The following ARSG variants were observed in gnomAD, a reference collection of about 807,000 sequenced individuals.
ARSG encodes arylsulfatase G.
A neutral mutation model predicts 50.5 loss-of-function variants in ARSG; 37 were observed. The observed-to-expected ratio is 0.73, with a 90% CI of 0.56 to 0.96. The LOEUF (loss-of-function observed/expected upper bound fraction) is 0.96, where lower values mean the gene tolerates loss of function less well. Ranked by LOEUF, ARSG falls within the 50% of genes least tolerant of loss-of-function variation. ARSG has a pLI of 0.00. For missense variants in ARSG, 629 were observed against 675.3 expected (o/e 0.93, Z 0.76); for synonymous variants, 225 against 254.6 (o/e 0.88, Z 1.11).
At chr17:68,336,347 C>A (rs2146128479) in intron 2 of ARSG, among the ~76,000 whole-genome samples, 1 of 151,808 alleles carries the variant, frequency 6.6e-6, no homozygotes, top group Non-Finnish European at 1.5e-5. Context: ...GTAGCTGGGA[C>A]TACAGACACC....
chr17:68,435,525 T>G, the ARSG span: 2 of 1,221,756 alleles, frequency 1.6e-6, no homozygotes, highest in Non-Finnish European at 2.4e-6. Context: ...GACCAGTCAG[T>G]CTTCATGTCA....
Position 68,261,888 on chromosome 17 carries a change from C to G in ARSG, c.-552+2462C>G, listed in dbSNP as rs187110717. Among the ~76,000 whole-genome samples the G allele has an allele frequency of 2.2e-3, 331 of 152,134 alleles. 1 individual carries two copies. The highest frequency in any genetic ancestry group is 3.9e-3 in the Non-Finnish European group (266 of 68,004). On this transcript the variant is annotated intron_variant, in intron 1 of 11. Coordinates refer to the ARSG transcript ENST00000448504. ...GTAAGAGAGGCTGGGCGTGGTGGCT[C>G]ACACCTGTAATCCCAGCACTTTGGG...
chr17:68,303,208 T>A (rs2076485303), intron 1 of ARSG, among the ~76,000 whole-genome samples: 1 of 152,148 alleles, frequency 6.6e-6, no homozygotes, highest in Admixed American at 6.5e-5. Context: ...CGCCACAGCC[T>A]TGAACTCCTG....
At chr17:68,424,726 T>A (rs2083041807), downstream of ARSG, among the ~76,000 whole-genome samples, 1 of 151,822 alleles carries the variant, frequency 6.6e-6, no homozygotes, top group Admixed American at 6.6e-5. Flanking sequence ...AAATACAAAA[T>A]ATTAGTTGGG....
At chr17:68,330,988 G>GC (rs2077712452) in intron 2 of ARSG, among the ~76,000 whole-genome samples, 1 of 144,490 alleles carries the variant, frequency 6.9e-6, no homozygotes, top group Non-Finnish European at 1.5e-5. Context: ...CGGGGGGGGG[G>GC]GGAGGTGGTG....
rs1250063090 is a variant in ARSG at position 68,399,067 on chromosome 17, G to T, written c.1213-2293G>T. Among the ~76,000 whole-genome samples the T allele has an allele frequency of 1.3e-5, 2 of 152,186 alleles. No individual in the cohort carries two copies. The highest frequency in any genetic ancestry group is 4.8e-5 in the African/African-American group (2 of 41,448). On this transcript the variant is annotated intron_variant, in intron 10 of 11. Coordinates refer to ENST00000621439, the MANE Select transcript of ARSG (RefSeq NM_001267727.2). The surrounding 1 kb of genome is among the most constrained non-coding windows in gnomAD (Gnocchi z 4.6). Reference sequence around the variant, plus strand: ...TCAGGTCCAGAAATTGTCAACGAAGGAACGTTTCCCCTAACAGCTCTGCAT... The same window carrying T: ...TCAGGTCCAGAAATTGTCAACGAAGTAACGTTTCCCCTAACAGCTCTGCAT...
chr17:68,281,804 A>G (rs2075704399), intron 1 of ARSG, among the ~76,000 whole-genome samples: 2 of 152,086 alleles, frequency 1.3e-5, no homozygotes, highest in South Asian at 4.1e-4. Context: ...ACTCTTATAC[A>G]CTGTCGGTGG....
chr17:68,292,088 C>T (rs1459109112), intron 1 of ARSG, among the ~76,000 whole-genome samples: 8 of 152,130 alleles, frequency 5.3e-5, no homozygotes, highest in African/African-American at 1.4e-4. Flanking sequence ...TCGCAGTGGG[C>T]CCCAGGGAGC....
intron 9 of ARSG, among the ~76,000 whole-genome samples, chr17:68,391,935 A>G (rs1443352640): frequency 6.6e-6 from 1 of 152,202 alleles, no homozygotes; most frequent in African/African-American, 2.4e-5. Flanking sequence ...CTGGGGTTGT[A>G]GGTAGAGCCC....
At chr17:68,330,983 G>GT (rs1555774017) in intron 2 of ARSG, among the ~76,000 whole-genome samples, 7 of 89,374 alleles carry the variant, frequency 7.8e-5, no homozygotes, top group South Asian at 4.2e-4. Context: ...TTTTGCGGGG[G>GT]GGGGGGGAGG....
chr17:68,421,950 G>T, downstream of ARSG: 2 of 1,155,772 alleles, frequency 1.7e-6, no homozygotes, highest in Non-Finnish European at 1.3e-6. Flanking sequence ...TTTTCTGTCT[G>T]AACTCGCTCA....
chr17:68,347,159 C>G lies in ARSG; in HGVS notation c.441C>G (p.His147Gln). ...KWHLGHHGSYHPNFRGFDYYF... is the reference protein window; with the variant it reads ...KWHLGHHGSYQPNFRGFDYYF... ...ATCTTGGACACCACGGCTCTTATCACCCCAACTTCCGTGGTAAGAATTCTT... is the reference window on the plus strand; with the variant it reads ...ATCTTGGACACCACGGCTCTTATCAGCCCAACTTCCGTGGTAAGAATTCTT... The change falls in exon 4 of 12, where the codon CAC (histidine) becomes CAG (glutamine). Residue 147 changes from histidine (H) to glutamine (Q), a missense_variant. Transcript: ENST00000621439. 1.2e-6 allele frequency: 2 copies of G among 1,614,026 alleles called. No homozygotes were observed. The highest frequency in any genetic ancestry group is 1.7e-6 in the Non-Finnish European group (2 of 1,179,944).
rs2079597589 is a variant in ARSG at position 68,367,416 on chromosome 17, G to A, written c.705-1132G>A. ...TCTCTGCGTGAACTAGTATGAAAGG[G>A]CCATGCATCTACCCCCACCAGAATG... is the stretch of plus-strand genomic sequence containing the variant. On this transcript the variant is annotated intron_variant, in intron 6 of 11. Transcript: ENST00000621439. The surrounding 1 kb of genome is among the most constrained non-coding windows in gnomAD (Gnocchi z 4.5). 6.6e-6 allele frequency among the ~76,000 whole-genome samples: 1 copy of A among 152,124 alleles called. No homozygotes were observed. The highest frequency in any genetic ancestry group is 2.1e-4 in the South Asian group (1 of 4,826).
chr17:68,286,814 T>C (rs2075852728), upstream of ARSG, among the ~76,000 whole-genome samples: 1 of 152,070 alleles, frequency 6.6e-6, no homozygotes, highest in South Asian at 2.1e-4. Context: ...TTGAATTTAG[T>C]ACTGAATTCT....
At chr17:68,365,457 A>T (rs1176500726) in intron 6 of ARSG, among the ~76,000 whole-genome samples, 1 of 152,232 alleles carries the variant, frequency 6.6e-6, no homozygotes, top group Non-Finnish European at 1.5e-5. Context: ...ACAGTCATGA[A>T]ATAACAAATC....
chr17:68,261,159 A>G (rs1555745114), intron 1 of ARSG, among the ~76,000 whole-genome samples: 1 of 152,196 alleles, frequency 6.6e-6, no homozygotes, highest in Non-Finnish European at 1.5e-5. Flanking sequence ...GTAACTGTCA[A>G]TAGATAACAT....
intron 1 of ARSG, among the ~76,000 whole-genome samples, chr17:68,262,009 G>A (rs2075078135): frequency 6.6e-6 from 1 of 151,566 alleles, no homozygotes. Flanking sequence ...AAAAAAAAAT[G>A]AGCTGGGTGT....
intron 9 of ARSG, among the ~76,000 whole-genome samples, chr17:68,386,133 C>A (rs767786455): frequency 6.6e-6 from 1 of 152,182 alleles, no homozygotes; most frequent in Middle Eastern, 3.2e-3. Context: ...GGCTGTGCAG[C>A]GTCTATGTGA....
intron 1 of ARSG, among the ~76,000 whole-genome samples, chr17:68,294,337 A>G (rs1239279675): frequency 6.6e-6 from 1 of 152,222 alleles, no homozygotes; most frequent in Non-Finnish European, 1.5e-5. Context: ...TCCTTTGTGT[A>G]AAGTTGGCCT....
Sources: allele counts gnomAD v4.1 joint callset (sites outside exome capture counted in the v4.1 genomes callset), GRCh38; gene constraint gnomAD v4.1.1; non-coding constraint Gnocchi (gnomAD v3.1); transcripts MANE v1.5; gene names NCBI Gene and HGNC (gene_info 2026-07-23, HGNC 2026-07-21).